MYCBP2: variants seen among roughly 807,000 people sequenced by gnomAD.
MYCBP2 encodes the protein MYC binding protein 2, also known as E3 ubiquitin-protein ligase MYCBP2.
In MYCBP2, 120 loss-of-function variants were observed where a neutral mutation model predicts 525.3. The observed-to-expected ratio is 0.23, with a 90% CI of 0.20 to 0.27. MYCBP2 has a LOEUF of 0.27. MYCBP2 is among the 10% of genes least tolerant of loss of function. MYCBP2 has a pLI of 1.00. For missense variants in MYCBP2, 4,149 were observed against 5,657.1 expected (o/e 0.73, Z 8.55); for synonymous variants, 1,894 against 1,955.8 (o/e 0.97, Z 0.83).
At chr13:77,138,974 C>T (rs1458805045) in intron 52 of MYCBP2, among the ~76,000 whole-genome samples, 1 of 152,144 alleles carries the variant, frequency 6.6e-6, no homozygotes, top group Non-Finnish European at 1.5e-5. Context: ...ATTAAATTTA[C>T]TACTTCCTGC....
In MYCBP2 at chr13:77,273,593, G is replaced by A. The variant is rs764476560; in HGVS notation, c.824C>T (p.Thr275Ile). 6.2e-7 allele frequency: 1 copy of A among 1,613,280 alleles called. No individual in the cohort carries two copies. Among genetic ancestry groups the A allele is most frequent in the Admixed American group, 1.7e-5 (1 of 59,742 alleles). ...GMNDSTGQSL[T>I]ALSCACLFSL... The stretch of plus-strand genomic sequence containing the variant: ...AAAGAGGCAAGCACAGGAAAGTGCT[G>A]TTAAGGACTGTCCTGTGCTGTCATT... Residue 275 changes from threonine to isoleucine, a missense_variant, in exon 5 of 83, where the codon ACA becomes ATA. Thr to Ile is a moderately conservative substitution (Grantham distance 89, BLOSUM62 -1). Transcript: ENST00000544440.
chr13:77,185,117 T>G lies in MYCBP2; in HGVS notation c.4705A>C (p.Asn1569His), dbSNP rs781558298. The stretch of plus-strand genomic sequence containing the variant: ...ACTTAAATTACCTGATCCAAACAAT[T>G]CAGCAGATCACAAAGGCAAGCCCAC... ...LQWACLCDLL[N>H]CLDQDIQEAN... The change falls in exon 32 of 83, where the codon AAT becomes CAT. Residue 1569 changes from asparagine (N) to histidine (H), a missense_variant. Transcript: ENST00000544440. 92 of 1,613,944 alleles carry G rather than the reference T, an allele frequency of 5.7e-5. No homozygotes were observed. In the South Asian group the frequency reaches 9.9e-4, roughly 17 times the overall value.
intron 82 of MYCBP2, among the ~76,000 whole-genome samples, chr13:77,046,028 G>A (rs920819729): frequency 2.0e-5 from 3 of 152,024 alleles, no homozygotes; most frequent in Non-Finnish European, 2.9e-5. Flanking sequence ...AGTACCTGAA[G>A]GATATTAGCA....
rs757277139 is a variant in MYCBP2, at chr13:77,057,068, A to G, written c.13355T>C (p.Leu4452Ser). 8 of 1,613,518 alleles carry G rather than the reference A, an allele frequency of 5.0e-6. No individual in the cohort carries two copies. Among genetic ancestry groups the G allele is most frequent in the Admixed American group, 1.7e-5 (1 of 60,008 alleles). The change falls in exon 79 of 83, where the codon TTA (leucine) becomes TCA (serine). Residue 4452 changes from leucine to serine, a missense_variant. Leu to Ser is a moderately radical substitution (Grantham distance 145). Around this residue, in one of 21 missense-constraint regions of MYCBP2, gnomAD observed 220 missense variants for 396.0 expected, o/e 0.56. Transcript: ENST00000544440. ...IQLDCSHIFHLQCCRRVLENR... is the reference protein window; with the variant it reads ...IQLDCSHIFHSQCCRRVLENR... ...TTCTAATACTCGCCGACAGCACTGT[A>G]AGTGGAATATGTGACTACAATCCAG...
chr13:77,138,705 G>A (rs993548001), intron 52 of MYCBP2, among the ~76,000 whole-genome samples: 3 of 151,972 alleles, frequency 2.0e-5, no homozygotes, highest in Admixed American at 6.6e-5. Context: ...AGAATACAAC[G>A]GAGCACCACA....
At chr13:77,187,077 T>G (rs2060800311) in intron 30 of MYCBP2, among the ~76,000 whole-genome samples, 1 of 152,208 alleles carries the variant, frequency 6.6e-6, no homozygotes, top group African/African-American at 2.4e-5. Context: ...CCAAAAGTGC[T>G]GGGATTATAG....
chr13:77,167,218 T>C (rs2058648326), intron 40 of MYCBP2, among the ~76,000 whole-genome samples: 2 of 152,228 alleles, frequency 1.3e-5, no homozygotes, highest in Non-Finnish European at 2.9e-5. Context: ...TAAACATATA[T>C]ACATTTATGT....
intron 55 of MYCBP2, among the ~76,000 whole-genome samples, chr13:77,113,969 C>T (rs552420009): frequency 1.6e-3 from 239 of 152,208 alleles, no homozygotes; most frequent in Middle Eastern, 6.8e-3. Flanking sequence ...TCCCACAGGT[C>T]CTCATTCCTA....
At chr13:77,142,773 T>C (rs926848462) in intron 49 of MYCBP2, among the ~76,000 whole-genome samples, 1 of 152,182 alleles carries the variant, frequency 6.6e-6, no homozygotes, top group Non-Finnish European at 1.5e-5. Flanking sequence ...CAAAATGATC[T>C]AAAATCTAAA....
At chr13:77,267,326 A>C (rs1047056210) in intron 8 of MYCBP2, among the ~76,000 whole-genome samples, 6 of 151,758 alleles carry the variant, frequency 4.0e-5, no homozygotes, top group Non-Finnish European at 8.8e-5. Context: ...AGAAGCATAA[A>C]TGATGAAATT....
intron 17 of MYCBP2, among the ~76,000 whole-genome samples, chr13:77,238,242 CA>C (rs772175406): frequency 2.7e-3 from 77 of 28,286 alleles, no homozygotes; most frequent in East Asian, 9.7e-3. Flanking sequence ...GACTCCGTCT[CA>C]AAAAAAAAAA....
chr13:77,316,141 AGAC>A (rs142514250), intron 1 of MYCBP2, among the ~76,000 whole-genome samples: 14 of 152,284 alleles, frequency 9.2e-5, no homozygotes, highest in Non-Finnish European at 2.1e-4. Context: ...TCAGAAAGAA[AGAC>A]AATATGATTA....
intron 5 of MYCBP2, among the ~76,000 whole-genome samples, chr13:77,271,517 T>G (rs2074893784): frequency 6.6e-6 from 1 of 152,206 alleles, no homozygotes; most frequent in African/African-American, 2.4e-5. Flanking sequence ...CACTCAAATC[T>G]CATCTTGAAT....
At chr13:77,158,578 G>T (rs1441778772) in intron 44 of MYCBP2, among the ~76,000 whole-genome samples, 1 of 152,150 alleles carries the variant, frequency 6.6e-6, no homozygotes, top group African/African-American at 2.4e-5. Flanking sequence ...AAGTAGCTGG[G>T]ACTTACAGGC....
intron 5 of MYCBP2, 149 bp downstream of exon 5, chr13:77,273,323 G>A (rs1465861720): frequency 1.8e-6 from 1 of 553,716 alleles, no homozygotes; most frequent in Non-Finnish European, 2.9e-6. Context: ...TCACTTAATT[G>A]AAATACTGTA....
At chr13:77,248,178 C>T (rs895981197) in intron 15 of MYCBP2, among the ~76,000 whole-genome samples, 2 of 147,652 alleles carry the variant, frequency 1.4e-5, no homozygotes, top group African/African-American at 2.5e-5. Flanking sequence ...ATAACAGTAA[C>T]CCTTCACAAC....
chr13:77,298,366 G>A (rs538799290), intron 1 of MYCBP2, among the ~76,000 whole-genome samples: 1 of 152,130 alleles, frequency 6.6e-6, no homozygotes, highest in African/African-American at 2.4e-5. Flanking sequence ...GTATATTTAT[G>A]TTTCATTGTA....
intron 18 of MYCBP2, among the ~76,000 whole-genome samples, chr13:77,225,895 A>G (rs2066185868): frequency 6.6e-6 from 1 of 152,240 alleles, no homozygotes; most frequent in Non-Finnish European, 1.5e-5. Context: ...GTTTCCATAA[A>G]AAATTACTGC....
chr13:77,250,209 C>T (rs1423599246), intron 15 of MYCBP2, among the ~76,000 whole-genome samples: 8 of 134,636 alleles, frequency 5.9e-5, no homozygotes, highest in South Asian at 4.8e-4. Flanking sequence ...GGCGACAGAG[C>T]GAGACTCCGT....
Sources: allele counts gnomAD v4.1 joint callset (sites outside exome capture counted in the v4.1 genomes callset), GRCh38; gene constraint gnomAD v4.1.1; regional missense constraint gnomAD v4.1.1; transcripts MANE v1.5; gene names NCBI Gene and HGNC (gene_info 2026-07-23, HGNC 2026-07-21).